Variants in RPH3A observed in about 807,000 individuals in gnomAD.
RPH3A encodes rabphilin 3A.
A neutral mutation model predicts 102.2 loss-of-function variants in RPH3A; 48 were observed. That is an observed-to-expected ratio of 0.47 (90% CI 0.37 to 0.60). The LOEUF is 0.60. RPH3A is among the 20% of genes least tolerant of loss of function. The probability of loss-of-function intolerance (pLI) is 0.00; values close to 1 mark genes in which losing one functional copy is unlikely to be tolerated. For missense variants in RPH3A, 781 were observed against 910.1 expected (o/e 0.86, Z 1.83); for synonymous variants, 310 against 324.3 (o/e 0.96, Z 0.47).
chr12:112,624,007 C>T (rs1286072894), intron 1 of RPH3A, among the ~76,000 whole-genome samples: 12 of 145,906 alleles, frequency 8.2e-5, no homozygotes, highest in African/African-American at 3.1e-4. Context: ...TTCTTTGAAA[C>T]CAACGAGAAC....
At chr12:112,682,690 C>T (rs926612096) in intron 1 of RPH3A, among the ~76,000 whole-genome samples, 2 of 152,168 alleles carry the variant, frequency 1.3e-5, no homozygotes, top group Non-Finnish European at 2.9e-5. Flanking sequence ...GGGAGCCACA[C>T]TTTGACCCAG....
intron 3 of RPH3A, among the ~76,000 whole-genome samples, chr12:112,832,105 TTCTC>T (rs2041979533): frequency 6.6e-6 from 1 of 152,160 alleles, no homozygotes; most frequent in Non-Finnish European, 1.5e-5. Context: ...ATGTTGCTTA[TTCTC>T]TCTCTCACTT....
intron 1 of RPH3A, among the ~76,000 whole-genome samples, chr12:112,718,677 C>T (rs1165663933): frequency 6.6e-6 from 1 of 152,218 alleles, no homozygotes; most frequent in African/African-American, 2.4e-5. Context: ...GGTGGAGACT[C>T]TTCTCTAACA....
intron 11 of RPH3A, 83 bp downstream of exon 11, chr12:112,875,253 ATGCT>A: frequency 9.2e-7 from 1 of 1,087,840 alleles, no homozygotes; most frequent in Non-Finnish European, 1.3e-6. Flanking sequence ...CTTGCAGAGC[ATGCT>A]GGGCTTTCTG....
intron 1 of RPH3A, among the ~76,000 whole-genome samples, chr12:112,640,725 A>C (rs767686932): frequency 4.6e-5 from 7 of 152,174 alleles, no homozygotes; most frequent in Non-Finnish European, 1.0e-4. Context: ...TGCAAATCTC[A>C]ATAACTTCCT....
intron 1 of RPH3A, among the ~76,000 whole-genome samples, chr12:112,730,163 C>T (rs1270889416): frequency 3.3e-5 from 5 of 152,174 alleles, no homozygotes; most frequent in South Asian, 2.1e-4. Flanking sequence ...GCAACCTGGC[C>T]GACACCTTGG....
Position 112,861,166 on chromosome 12 carries a change from C to T in RPH3A, c.231-4248C>T, listed in dbSNP as rs116722344. 5.3e-3 allele frequency among the ~76,000 whole-genome samples: 804 copies of T among 152,308 alleles called. 12 individuals are homozygous for T. The highest frequency in any genetic ancestry group is 0.018 in the African/African-American group (734 of 41,556). ...GCCCCTGAACTGGCTCTATGAAACCCTCGGGGTACCATGAAGCACAGTTTG... is the reference window on the plus strand; with the variant it reads ...GCCCCTGAACTGGCTCTATGAAACCTTCGGGGTACCATGAAGCACAGTTTG... On this transcript the variant is annotated intron_variant, in intron 5 of 21. Coordinates refer to ENST00000389385, the MANE Select transcript of RPH3A (RefSeq NM_001143854.2).
intron 1 of RPH3A, among the ~76,000 whole-genome samples, chr12:112,690,822 G>A (rs915241785): frequency 1.3e-5 from 2 of 152,100 alleles, no homozygotes; most frequent in Non-Finnish European, 2.9e-5. Context: ...TATGTTTATT[G>A]CATGCACAAT....
intron 2 of RPH3A, among the ~76,000 whole-genome samples, chr12:112,804,339 A>C (rs1290992731): frequency 6.6e-6 from 1 of 152,196 alleles, no homozygotes; most frequent in Non-Finnish European, 1.5e-5. Flanking sequence ...GGATCCCATC[A>C]GGTGGGGCTG....
chr12:112,595,698 C>T (rs374285067), intron 1 of RPH3A, among the ~76,000 whole-genome samples: 1 of 152,146 alleles, frequency 6.6e-6, no homozygotes, highest in African/African-American at 2.4e-5. Flanking sequence ...GGGTGTTTTC[C>T]CTGCTCTTCT....
Position 112,828,350 on chromosome 12 carries a change from A to G in RPH3A, c.32A>G (p.Asn11Ser). 3 of 1,609,828 alleles carry G rather than the reference A, an allele frequency of 1.9e-6. No homozygotes were observed. The highest frequency in any genetic ancestry group is 1.7e-5 in the Admixed American group (1 of 59,464). The change falls in exon 3 of 22, where the codon AAC (asparagine) becomes AGC (serine). Residue 11 changes from asparagine to serine, a missense_variant. Coordinates refer to ENST00000389385, the MANE Select transcript of RPH3A (RefSeq NM_001143854.2). Reference protein sequence around the residue: MTDTVFSNSSNRWMYPSDRPL... With the variant: MTDTVFSNSSSRWMYPSDRPL... ...GACACCGTGTTCAGCAACAGTTCTA[A>G]CCGTTGGATGTACCCCAGTGACCGG...
At chr12:112,754,522 G>A (rs367874632) in intron 1 of RPH3A, among the ~76,000 whole-genome samples, 6 of 152,104 alleles carry the variant, frequency 3.9e-5, no homozygotes, top group South Asian at 4.1e-4. Flanking sequence ...GTAGAAATTC[G>A]GTTCAAGGAA....
chr12:112,878,828 C>G (rs1032657237), intron 13 of RPH3A, among the ~76,000 whole-genome samples: 1 of 152,224 alleles, frequency 6.6e-6, no homozygotes, highest in Non-Finnish European at 1.5e-5. Context: ...ACTGGGGACA[C>G]AGCAGTCAAC....
intron 1 of RPH3A, among the ~76,000 whole-genome samples, chr12:112,723,403 A>G (rs371452369): frequency 9.2e-5 from 14 of 152,358 alleles, no homozygotes; most frequent in African/African-American, 3.4e-4. Flanking sequence ...ACTATACTGT[A>G]TTGATCTATA....
chr12:112,872,005 G>T (rs1446709326), intron 10 of RPH3A, among the ~76,000 whole-genome samples: 1 of 151,834 alleles, frequency 6.6e-6, no homozygotes, highest in African/African-American at 2.4e-5. Context: ...TGATGTCATT[G>T]TGCGCCTGAC....
chr12:112,602,719 T>G (rs1198563554), intron 1 of RPH3A, among the ~76,000 whole-genome samples: 2 of 151,738 alleles, frequency 1.3e-5, no homozygotes, highest in Non-Finnish European at 2.9e-5. Context: ...AGCCCAGAAA[T>G]TTCGAGGCTG....
At chr12:112,867,794 A>T (rs2094662714) in intron 7 of RPH3A, among the ~76,000 whole-genome samples, 2 of 152,230 alleles carry the variant, frequency 1.3e-5, no homozygotes, top group Admixed American at 1.3e-4. Flanking sequence ...CTCTTCAGCA[A>T]TCCAAGCTTT....
intron 1 of RPH3A, among the ~76,000 whole-genome samples, chr12:112,733,668 A>G (rs2040649154): frequency 6.6e-6 from 1 of 152,216 alleles, no homozygotes; most frequent in Non-Finnish European, 1.5e-5. Flanking sequence ...CAGATCCCGA[A>G]GGTTCTCCTT....
At chr12:112,856,483 C>CGT (rs1565922472) in intron 5 of RPH3A, among the ~76,000 whole-genome samples, 22 of 86,740 alleles carry the variant, frequency 2.5e-4, no homozygotes, top group African/African-American at 1.0e-3. Flanking sequence ...CACACATGTG[C>CGT]ATGTGTGTGT....
Sources: allele counts gnomAD v4.1 joint callset (sites outside exome capture counted in the v4.1 genomes callset), GRCh38; gene constraint gnomAD v4.1.1; transcripts MANE v1.5; gene names NCBI Gene and HGNC (gene_info 2026-07-23, HGNC 2026-07-21).